Variants in HYDIN observed in about 807,000 individuals in gnomAD.
The protein encoded by HYDIN is axonemal central pair apparatus protein HYDIN.
A neutral mutation model predicts 403.9 loss-of-function variants in HYDIN; 132 were observed. The observed-to-expected ratio is 0.33, with a 90% confidence interval of 0.28 to 0.38. HYDIN has a LOEUF of 0.38. Among genes scored for constraint, HYDIN ranks in the 10% least tolerant of loss-of-function variants. The pLI, the probability that HYDIN is intolerant of heterozygous loss-of-function variation, is 1.00. For synonymous variants in HYDIN, 1,202 were observed against 1,891.7 expected (o/e 0.64, Z 9.46); for missense variants, 2,827 against 5,009.5 (o/e 0.56, Z 13.15).
At chr16:71,179,076 T>C (rs2158102) in intron 3 of HYDIN, 29 bp from the exon 4 acceptor site, 533,779 of 1,581,318 alleles carry the variant, frequency 0.34, 94,166 homozygotes, top group East Asian at 0.56. Flanking sequence ...ATTATTGTTA[T>C]AGTCACACAT....
chr16:71,068,761 T>C (rs2082358683), intron 14 of HYDIN, among the ~76,000 whole-genome samples: 1 of 152,192 alleles, frequency 6.6e-6, no homozygotes, highest in Non-Finnish European at 1.5e-5. Context: ...TGAATTCTCA[T>C]GGCTTTTCCT....
intron 53 of HYDIN, among the ~76,000 whole-genome samples, chr16:70,897,755 T>C (rs2076246038): frequency 6.6e-6 from 1 of 152,202 alleles, no homozygotes. Context: ...TCTGTGGATG[T>C]GGAAGTGAAT....
At chr16:70,820,354 C>A (rs62048042) in intron 83 of HYDIN, among the ~76,000 whole-genome samples, 5,869 of 150,458 alleles carry the variant, frequency 0.039, 170 homozygotes, top group South Asian at 0.074. Flanking sequence ...CCATGCCTGG[C>A]TAATTTTTTT....
At chr16:71,191,751 G>C (rs2087448825) in intron 1 of HYDIN, among the ~76,000 whole-genome samples, 2 of 151,974 alleles carry the variant, frequency 1.3e-5, no homozygotes, top group African/African-American at 4.8e-5. Flanking sequence ...CTGATTTCCA[G>C]CTCCACCGAC....
chr16:71,058,967 C>T (rs2081992530), intron 18 of HYDIN, among the ~76,000 whole-genome samples: 1 of 152,156 alleles, frequency 6.6e-6, no homozygotes, highest in African/African-American at 2.4e-5. Flanking sequence ...TTCTTAATAA[C>T]ATTTCTTTTC....
chr16:70,836,631 C>T (rs1306961783), intron 77 of HYDIN, among the ~76,000 whole-genome samples: 4 of 152,222 alleles, frequency 2.6e-5, no homozygotes, highest in Admixed American at 6.5e-5. Context: ...TCCAAAATGG[C>T]ACTGACCCAC....
chr16:71,193,481 A>C (rs1008393156), intron 1 of HYDIN, among the ~76,000 whole-genome samples: 1 of 152,216 alleles, frequency 6.6e-6, no homozygotes, highest in Non-Finnish European at 1.5e-5. Flanking sequence ...AGGGTTTGCC[A>C]TTAAAGCTCT....
intron 62 of HYDIN, among the ~76,000 whole-genome samples, chr16:70,878,052 T>C (rs549717512): frequency 2.9e-4 from 44 of 152,238 alleles, no homozygotes; most frequent in Non-Finnish European, 5.3e-4. Context: ...CCAAGTCTCA[T>C]CTTGAATTGT....
In HYDIN at chr16:71,004,852, G is replaced by A. The variant is rs535074846; in HGVS notation, c.3645-12642C>T. Among the ~76,000 whole-genome samples, 168 of 151,694 alleles carry A rather than the reference G, an allele frequency of 1.1e-3. 2 individuals are homozygous for A. Among genetic ancestry groups the A allele is most frequent in the African/African-American group, 3.8e-3 (158 of 41,236 alleles). On this transcript the variant is annotated intron_variant, in intron 23 of 85. Coordinates refer to ENST00000393567, the MANE Select transcript of HYDIN (RefSeq NM_001270974.2). ...TCTTCTGTATCTATCAGGACTTAGC[G>A]GGTTCTTAAAAATGGGGATATTTGA...
At chr16:70,892,956 T>C (rs2041562730) in intron 55 of HYDIN, among the ~76,000 whole-genome samples, 1 of 152,058 alleles carries the variant, frequency 6.6e-6, no homozygotes, top group South Asian at 2.1e-4. Flanking sequence ...ACAGAGGTAC[T>C]GGGGAGGGAA....
intron 1 of HYDIN, among the ~76,000 whole-genome samples, chr16:71,222,036 T>C (rs1348001545): frequency 6.6e-6 from 1 of 152,238 alleles, no homozygotes; most frequent in East Asian, 1.9e-4. Flanking sequence ...CTTTCTTTTT[T>C]CAATCCACAA....
intron 21 of HYDIN, among the ~76,000 whole-genome samples, chr16:71,024,385 T>G (rs928990760): frequency 2.0e-5 from 3 of 152,102 alleles, no homozygotes; most frequent in Non-Finnish European, 4.4e-5. Flanking sequence ...TAGTCTCAAC[T>G]TGAGGCACTT....
intron 1 of HYDIN, among the ~76,000 whole-genome samples, chr16:71,217,218 C>A (rs988579601): frequency 2.0e-5 from 3 of 152,116 alleles, no homozygotes; most frequent in African/African-American, 7.2e-5. Context: ...CAACTATTGG[C>A]AAAAATGATT....
chr16:70,807,642 G>A lies in HYDIN; in HGVS notation c.15304C>T (p.Pro5102Ser). The change falls in exon 86 of 86, where the codon CCT becomes TCT. Residue 5102 changes from proline (P) to serine (S), a missense_variant. Pro to Ser is a moderately conservative substitution (Grantham distance 74). Transcript: ENST00000393567. ...ACTCCAGTCTCACTCCCTTCACCAG[G>A]AGGGCAGCTCACAGTCAGCTTGGTG... Reference protein sequence around the residue: ...ITTKLTVSCPPGEGSETGVKW... With the variant: ...ITTKLTVSCPSGEGSETGVKW... 1.2e-6 allele frequency: 2 copies of A among 1,614,058 alleles called. No individual in the cohort carries two copies. The highest frequency in any genetic ancestry group is 1.1e-5 in the South Asian group (1 of 91,072).
chr16:70,904,965 A>G (rs1297256336), intron 50 of HYDIN, among the ~76,000 whole-genome samples: 3 of 152,166 alleles, frequency 2.0e-5, no homozygotes, highest in Admixed American at 6.5e-5. Context: ...AGAGATCTGC[A>G]GAGTTGAGCA....
In HYDIN at chr16:70,850,453, A is replaced by G. The variant is rs1368778718; in HGVS notation, c.12646T>C (p.Tyr4216His). Residue 4216 changes from tyrosine (Y) to histidine (H), a missense_variant, in exon 74 of 86, where the codon TAT becomes CAT. Tyr to His is a moderately conservative substitution (Grantham distance 83). Transcript: ENST00000393567. ...AGGTCTTCTTACACCTTTACCTCATAGAAGTTGATGATGTTAGTCTGGTTG... is the reference window on the plus strand; with the variant it reads ...AGGTCTTCTTACACCTTTACCTCATGGAAGTTGATGATGTTAGTCTGGTTG... Reference protein sequence around the residue: ...TPNQTNIINFYEVELNECVQC... With the variant: ...TPNQTNIINFHEVELNECVQC... 4 of 1,495,352 alleles carry G rather than the reference A, an allele frequency of 2.7e-6. No individual in the cohort carries two copies. Among genetic ancestry groups the G allele is most frequent in the Admixed American group, 3.7e-5 (2 of 53,956 alleles). 92.6% of individuals were successfully genotyped at this position (1,495,352 alleles called of 1,614,324 possible).
chr16:70,902,806 TATATATATATATATA>T (rs1351304534), intron 52 of HYDIN, among the ~76,000 whole-genome samples: 9 of 20,394 alleles, frequency 4.4e-4, no homozygotes, highest in Non-Finnish European at 7.0e-4. Flanking sequence ...TATATATATA[TATATATATATATATA>T]TTTTTTTTTT....
At chr16:71,163,138 T>TTTTTG (rs1336681351) in intron 5 of HYDIN, among the ~76,000 whole-genome samples, 1 of 133,452 alleles carries the variant, frequency 7.5e-6, no homozygotes, top group African/African-American at 2.5e-5. Context: ...TTTTTTTTTT[T>TTTTTG]TTGAGACAGA....
intron 58 of HYDIN, among the ~76,000 whole-genome samples, chr16:70,886,866 T>A (rs908510262): frequency 2.0e-5 from 3 of 152,140 alleles, no homozygotes; most frequent in African/African-American, 7.2e-5. Flanking sequence ...TGATGTGTGT[T>A]GGTAAGGATT....
Sources: gnomAD v4.1 joint callset for allele counts (sites outside exome capture counted in the v4.1 genomes callset) on GRCh38, gnomAD v4.1.1 for gene constraint, MANE v1.5 for transcripts, NCBI Gene and HGNC (gene_info 2026-07-23, HGNC 2026-07-21) for gene names.